The following SHISA9 variants were observed in gnomAD, a reference collection of about 807,000 sequenced individuals.
The protein encoded by SHISA9 is shisa family member 9, also known as protein shisa-9.
Under a neutral mutation model 38.0 loss-of-function variants are expected in SHISA9, and 13 were observed. The observed-to-expected ratio is 0.34, with a 90% confidence interval of 0.22 to 0.54. The LOEUF (loss-of-function observed/expected upper bound fraction) is 0.54, where lower values mean the gene tolerates loss of function less well. SHISA9 is among the 20% of genes least tolerant of loss of function. The pLI, the probability that SHISA9 is intolerant of heterozygous loss-of-function variation, is 0.91. For missense variants in SHISA9, 538 were observed against 575.8 expected, an observed-to-expected ratio of 0.93 and a Z score of 0.67; for synonymous variants, 275 against 242.0, an observed-to-expected ratio of 1.14 and a Z score of -1.27.
chr16:13,268,512 A>AAAAC, the SHISA9 span, among the ~76,000 whole-genome samples: 23,650 of 151,920 alleles, frequency 0.16, 2,079 homozygotes, highest in Non-Finnish European at 0.19. Flanking sequence ...TCGGTCTCAG[A>AAAAC]AAACAAACAA....
At chr16:12,970,332 T>C (rs1450444018) in intron 2 of SHISA9, among the ~76,000 whole-genome samples, 67 of 74,992 alleles carry the variant, frequency 8.9e-4, no homozygotes, top group African/African-American at 3.3e-3. Flanking sequence ...TATACATATA[T>C]ATATATATAT....
chr16:13,263,882 A>T, the SHISA9 span, among the ~76,000 whole-genome samples: 3 of 152,186 alleles, frequency 2.0e-5, no homozygotes, highest in Non-Finnish European at 4.4e-5. Context: ...TTCAAAATAA[A>T]ATGTCTTTCA....
chr16:13,066,508 AGTGCCCAGTAC>A (rs1478309297), intron 2 of SHISA9, among the ~76,000 whole-genome samples: 1 of 152,160 alleles, frequency 6.6e-6, no homozygotes, highest in Non-Finnish European at 1.5e-5. Flanking sequence ...CAGTATCTGG[AGTGCCCAGTAC>A]GTGCTAGGCA....
chr16:13,190,820 A>T (rs552987225), intron 2 of SHISA9, among the ~76,000 whole-genome samples: 141 of 150,754 alleles, frequency 9.4e-4, no homozygotes, highest in African/African-American at 3.4e-3. Flanking sequence ...AATGGTTCAA[A>T]TTTTTTTTTT....
chr16:12,952,890 C>G (rs1213804997), intron 2 of SHISA9, among the ~76,000 whole-genome samples: 1 of 152,024 alleles, frequency 6.6e-6, no homozygotes, highest in Admixed American at 6.6e-5. Flanking sequence ...CCTTTCTGCC[C>G]CCTCTTCCTT....
intron 1 of SHISA9, among the ~76,000 whole-genome samples, chr16:12,912,401 C>T (rs187997784): frequency 1.3e-5 from 2 of 152,264 alleles, no homozygotes; most frequent in African/African-American, 4.8e-5. Context: ...TGATTACGTA[C>T]TTTGTTATCC....
chr16:13,348,228 T>C, the SHISA9 span, among the ~76,000 whole-genome samples: 1 of 152,168 alleles, frequency 6.6e-6, no homozygotes, highest in Non-Finnish European at 1.5e-5. Context: ...GATTTTTGAA[T>C]ATTTGCATTA....
At chr16:13,084,588 C>T (rs994413318) in intron 2 of SHISA9, among the ~76,000 whole-genome samples, 6 of 152,164 alleles carry the variant, frequency 3.9e-5, no homozygotes, top group African/African-American at 1.4e-4. Flanking sequence ...TCTGGAGTTA[C>T]AGTCCAGTGG....
intron 2 of SHISA9, among the ~76,000 whole-genome samples, chr16:13,081,781 G>A (rs1352536732): frequency 1.3e-5 from 2 of 151,778 alleles, no homozygotes; most frequent in East Asian, 3.9e-4. Context: ...GAACCCGGGA[G>A]GCAGAGGTTG....
At chr16:13,271,138 T>G in the SHISA9 span, among the ~76,000 whole-genome samples, 1 of 152,082 alleles carries the variant, frequency 6.6e-6, no homozygotes, top group African/African-American at 2.4e-5. Flanking sequence ...TCAAATGCTA[T>G]AATGTGGAGC....
the SHISA9 span, among the ~76,000 whole-genome samples, chr16:13,467,939 C>T: frequency 8.1e-4 from 123 of 152,302 alleles, no homozygotes; most frequent in African/African-American, 2.8e-3. Context: ...GAAATTTACC[C>T]ATTGTACATG....
chr16:13,544,398 T>A, the SHISA9 span, among the ~76,000 whole-genome samples: 1 of 147,550 alleles, frequency 6.8e-6, no homozygotes, highest in Admixed American at 6.9e-5. Flanking sequence ...AGTTTTTCGG[T>A]TTTTTGTTTT....
the SHISA9 span, among the ~76,000 whole-genome samples, chr16:13,558,984 T>A: frequency 6.6e-6 from 1 of 152,078 alleles, no homozygotes; most frequent in Non-Finnish European, 1.5e-5. Context: ...AAATACAGAG[T>A]CTGGGAATAA....
At chr16:13,223,320 C>G (rs1158136533) in intron 4 of SHISA9, among the ~76,000 whole-genome samples, 1 of 151,982 alleles carries the variant, frequency 6.6e-6, no homozygotes, top group Non-Finnish European at 1.5e-5. Context: ...GTCCTAGATT[C>G]TCGGGAGGCT....
chr16:13,309,913 G>T, the SHISA9 span, among the ~76,000 whole-genome samples: 3 of 151,932 alleles, frequency 2.0e-5, no homozygotes, highest in South Asian at 2.1e-4. Context: ...TTGAGACAGA[G>T]TCTCACTCTT....
At chr16:13,251,877 T>C in the SHISA9 span, among the ~76,000 whole-genome samples, 5 of 152,156 alleles carry the variant, frequency 3.3e-5, no homozygotes, top group African/African-American at 1.2e-4. Context: ...ATTGACTATT[T>C]ACTTAGTAGC....
At chr16:13,557,636 C>T in the SHISA9 span, among the ~76,000 whole-genome samples, 9 of 152,202 alleles carry the variant, frequency 5.9e-5, no homozygotes, top group African/African-American at 1.9e-4. Flanking sequence ...ACAGGGCATC[C>T]GAGGAGAGAA....
chr16:13,211,636 C>T lies in SHISA9; in HGVS notation c.848-1617C>T, dbSNP rs567707938. Among the ~76,000 whole-genome samples, 113 of 152,270 alleles carry T rather than the reference C, an allele frequency of 7.4e-4. 1 individual carries two copies. The highest frequency in any genetic ancestry group is 2.6e-3 in the African/African-American group (110 of 41,558). On this transcript the variant is annotated intron_variant, in intron 3 of 4. Transcript: ENST00000558583. ...GAGTGTGACCAAGTACACAGTGGAG[C>T]CTTAACTAAATGTTCCGTAGCCTAT...
At chr16:12,923,641 T>G (rs1286130214) in intron 2 of SHISA9, among the ~76,000 whole-genome samples, 1 of 151,992 alleles carries the variant, frequency 6.6e-6, no homozygotes, top group Non-Finnish European at 1.5e-5. Flanking sequence ...TATTCCATGT[T>G]TGTGCCTATT....
Sources: gnomAD v4.1 joint callset for allele counts (sites outside exome capture counted in the v4.1 genomes callset) on GRCh38, gnomAD v4.1.1 for gene constraint, MANE v1.5 for transcripts, NCBI Gene and HGNC (gene_info 2026-07-23, HGNC 2026-07-21) for gene names.